SLC5A4: variants seen among roughly 807,000 people sequenced by gnomAD.
The protein encoded by SLC5A4 is solute carrier family 5 member 4.
SLC5A4 carries 55 observed loss-of-function variants against 70.3 expected under a neutral mutation model. The ratio of observed to expected loss-of-function variants is 0.78; its 90% CI spans 0.63 to 0.98. The LOEUF is 0.98. Among genes scored for constraint, SLC5A4 ranks in the 50% least tolerant of loss-of-function variants. The pLI is 0.00. For synonymous variants in SLC5A4, 268 were observed against 305.7 expected (o/e 0.88, Z 1.29); for missense variants, 735 against 839.2 (o/e 0.88, Z 1.53).
At chr22:32,283,056 G>T in the SLC5A4 span, among the ~76,000 whole-genome samples, 246 of 152,282 alleles carry the variant, frequency 1.6e-3, 2 homozygotes, top group African/African-American at 5.3e-3. Flanking sequence ...GCAAGCCAGC[G>T]TCCCTCCTGG....
the SLC5A4 span, among the ~76,000 whole-genome samples, chr22:32,329,701 G>A: frequency 3.6e-5 from 1 of 27,510 alleles, no homozygotes; most frequent in Non-Finnish European, 6.5e-5. Context: ...GTGTGTTGGG[G>A]GCTCTGGTGT....
the SLC5A4 span, among the ~76,000 whole-genome samples, chr22:32,283,055 C>T: frequency 2.0e-5 from 3 of 152,228 alleles, no homozygotes; most frequent in Non-Finnish European, 4.4e-5. Context: ...TGCAAGCCAG[C>T]GTCCCTCCTG....
chr22:32,260,522 A>AC, the SLC5A4 span, among the ~76,000 whole-genome samples: 1 of 151,330 alleles, frequency 6.6e-6, no homozygotes. Context: ...AAAAAAAAAC[A>AC]AAACCAAAAA....
chr22:32,266,321 A>G, the SLC5A4 span, among the ~76,000 whole-genome samples: 4 of 152,300 alleles, frequency 2.6e-5, no homozygotes, highest in African/African-American at 9.6e-5. Flanking sequence ...GATCCGGACC[A>G]GGTCTCTTCA....
At chr22:32,348,378 G>C in the SLC5A4 span, among the ~76,000 whole-genome samples, 1 of 152,202 alleles carries the variant, frequency 6.6e-6, no homozygotes, top group Non-Finnish European at 1.5e-5. Flanking sequence ...GGTGAGGGCA[G>C]AGCAGCAGCC....
intron 12 of SLC5A4, among the ~76,000 whole-genome samples, chr22:32,225,444 T>C (rs993425700): frequency 6.6e-6 from 1 of 152,210 alleles, no homozygotes. Flanking sequence ...TACGTAATAT[T>C]TTGTAAGAAA....
chr22:32,223,998 G>T (rs1925236631), intron 13 of SLC5A4, among the ~76,000 whole-genome samples: 1 of 151,812 alleles, frequency 6.6e-6, no homozygotes, highest in African/African-American at 2.4e-5. Context: ...TTGGCTCACT[G>T]CAAGCTCCGC....
At chr22:32,220,863 T>C (rs1925032945) in intron 14 of SLC5A4, 57 bp downstream of exon 14, 4 of 1,098,866 alleles carry the variant, frequency 3.6e-6, no homozygotes, top group Admixed American at 3.4e-5. Context: ...AAGAAAACCA[T>C]AAACAAGCCT....
At chr22:32,321,227 G>A in the SLC5A4 span, among the ~76,000 whole-genome samples, 3,254 of 152,150 alleles carry the variant, frequency 0.021, 118 homozygotes, top group African/African-American at 0.072. Flanking sequence ...CGGAGGTTGC[G>A]GTGAGCTGAG....
the SLC5A4 span, chr22:32,271,999 AC>A: frequency 1.5e-5 from 9 of 615,686 alleles, no homozygotes; most frequent in Admixed American, 2.4e-5. Flanking sequence ...CAGTGCATCC[AC>A]CCCCAGGAGG....
At chr22:32,345,437 T>C in the SLC5A4 span, among the ~76,000 whole-genome samples, 5,561 of 152,310 alleles carry the variant, frequency 0.037, 139 homozygotes, top group South Asian at 0.085. Context: ...TTCTGTTCAA[T>C]TGATTTCTTA....
the SLC5A4 span, among the ~76,000 whole-genome samples, chr22:32,316,061 C>T: frequency 5.0e-4 from 71 of 142,084 alleles, no homozygotes; most frequent in Non-Finnish European, 9.0e-4. Context: ...CCCAGCTACT[C>T]GGGAGGCTGA....
chr22:32,343,826 T>C, the SLC5A4 span, among the ~76,000 whole-genome samples: 1 of 152,222 alleles, frequency 6.6e-6, no homozygotes, highest in Non-Finnish European at 1.5e-5. Context: ...CTTTGTTCAA[T>C]ACACATTTTA....
At chr22:32,324,247 G>GTATATATACACACATATATGTATA in the SLC5A4 span, among the ~76,000 whole-genome samples, 19 of 136,768 alleles carry the variant, frequency 1.4e-4, no homozygotes, top group African/African-American at 3.3e-4. Context: ...ATATGTATGT[G>GTATATATACACACATATATGTATA]TATATATACA....
chr22:32,311,382 T>A, the SLC5A4 span, among the ~76,000 whole-genome samples: 1 of 152,158 alleles, frequency 6.6e-6, no homozygotes, highest in Admixed American at 6.5e-5. Flanking sequence ...AGCTAAGAAC[T>A]GGGGGAGATT....
the SLC5A4 span, among the ~76,000 whole-genome samples, chr22:32,283,416 G>A: frequency 6.6e-6 from 1 of 152,188 alleles, no homozygotes; most frequent in Non-Finnish European, 1.5e-5. Context: ...AGCTACAGAC[G>A]TGACACACTT....
chr22:32,277,184 T>A, the SLC5A4 span: 1 of 152,200 alleles, frequency 6.6e-6, no homozygotes, highest in Non-Finnish European at 1.5e-5. Flanking sequence ...CCTTTAAATC[T>A]GTTTATTGCT....
the SLC5A4 span, among the ~76,000 whole-genome samples, chr22:32,291,328 A>C: frequency 2.7e-5 from 4 of 150,820 alleles, no homozygotes; most frequent in Non-Finnish European, 4.4e-5. Context: ...GGCGTGCGCC[A>C]CCATGCCTGG....
At chr22:32,239,155 A>C (rs1926238189) in intron 5 of SLC5A4, 65 bp from the exon 6 acceptor site, 1 of 1,139,672 alleles carries the variant, frequency 8.8e-7, no homozygotes, top group South Asian at 1.3e-5. Context: ...TCTCTGCCCC[A>C]ATGTCCACTC....
Sources: allele counts gnomAD v4.1 joint callset (sites outside exome capture counted in the v4.1 genomes callset), GRCh38; gene constraint gnomAD v4.1.1; transcripts MANE v1.5; gene names NCBI Gene and HGNC (gene_info 2026-07-23, HGNC 2026-07-21).